INPP4B: variants seen among roughly 807,000 people sequenced by gnomAD.
INPP4B encodes the protein inositol polyphosphate 4-phosphatase type II.
In INPP4B, 55 loss-of-function variants were observed where a neutral mutation model predicts 122.5. The ratio of observed to expected loss-of-function variants is 0.45; its 90% CI spans 0.36 to 0.56. The LOEUF is 0.56. Ranked by LOEUF, INPP4B falls within the 20% of genes least tolerant of loss-of-function variation. The pLI is 0.00. For missense variants in INPP4B, 1,000 were observed against 1,097.7 expected, an observed-to-expected ratio of 0.91 and a Z score of 1.26; for synonymous variants, 403 against 388.7, an observed-to-expected ratio of 1.04 and a Z score of -0.43.
intron 2 of INPP4B, among the ~76,000 whole-genome samples, chr4:142,565,296 AAAAGAAAG>A (rs534123190): frequency 6.6e-6 from 1 of 152,184 alleles, no homozygotes; most frequent in Non-Finnish European, 1.5e-5. Flanking sequence ...CAAAGAGTTA[AAAAGAAAG>A]AAAGAAAGAA....
intron 1 of INPP4B, among the ~76,000 whole-genome samples, chr4:142,774,626 C>T (rs1773575397): frequency 6.6e-6 from 1 of 152,014 alleles, no homozygotes; most frequent in African/African-American, 2.4e-5. Flanking sequence ...AATATTATCT[C>T]TTTCATTTTT....
At chr4:142,266,678 C>T (rs541471207) in intron 10 of INPP4B, among the ~76,000 whole-genome samples, 16 of 152,254 alleles carry the variant, frequency 1.1e-4, no homozygotes, top group Non-Finnish European at 4.4e-5. Context: ...ATTCTCACCA[C>T]TTCTATTCAA....
rs1269128706 is a variant in INPP4B at position 142,173,872 on chromosome 4, TCA to T, written c.1182-65_1182-64del. 8.6e-6 allele frequency: 11 copies of T among 1,281,694 alleles called. No homozygotes were observed. The African/African-American group carries it at 1.5e-4, about 17-fold the overall frequency. The allele number at this position is 1,281,694 out of a possible 1,614,324, so 79.4% of individuals were successfully genotyped here. Reference sequence around the variant, plus strand: ...CATAATGAATGTTCAGCCCTTAATATCAGATGGCAAATGATAAACAGAACTCC... The same window carrying T: ...CATAATGAATGTTCAGCCCTTAATATGATGGCAAATGATAAACAGAACTCC... On this transcript the variant is annotated intron_variant, in intron 15 of 25. Coordinates refer to ENST00000262992, the MANE Select transcript of INPP4B (RefSeq NM_001101669.3).
At chr4:142,088,391 G>A (rs1176222805) in intron 23 of INPP4B, among the ~76,000 whole-genome samples, 1 of 152,214 alleles carries the variant, frequency 6.6e-6, no homozygotes, top group Non-Finnish European at 1.5e-5. Flanking sequence ...ATTATAAGCA[G>A]CCATTAAAAA....
chr4:142,085,848 G>C (rs76668645), intron 24 of INPP4B, among the ~76,000 whole-genome samples: 1 of 152,144 alleles, frequency 6.6e-6, no homozygotes, highest in Non-Finnish European at 1.5e-5. Context: ...GGCAATTGAC[G>C]TTGCAATACG....
intron 3 of INPP4B, among the ~76,000 whole-genome samples, chr4:142,436,113 C>T (rs77148654): frequency 0.017 from 2,626 of 152,314 alleles, 80 homozygotes; most frequent in African/African-American, 0.06. Context: ...GTATTCTCCA[C>T]AGCCCAGCAC....
chr4:142,109,150 T>G (rs957244859), intron 22 of INPP4B, among the ~76,000 whole-genome samples: 1 of 152,032 alleles, frequency 6.6e-6, no homozygotes, highest in Non-Finnish European at 1.5e-5. Flanking sequence ...CTTTTTTTTT[T>G]TTCTCAACCA....
chr4:142,623,617 T>A (rs963190709), intron 2 of INPP4B, among the ~76,000 whole-genome samples: 1 of 151,998 alleles, frequency 6.6e-6, no homozygotes, highest in Non-Finnish European at 1.5e-5. Flanking sequence ...GCGCACAATG[T>A]GCAGGTTAGT....
chr4:142,749,108 C>T (rs1769236169), intron 1 of INPP4B, among the ~76,000 whole-genome samples: 1 of 150,200 alleles, frequency 6.7e-6, no homozygotes, highest in African/African-American at 2.4e-5. Context: ...CACTGCTCTC[C>T]AGCCTGAGTG....
At chr4:142,821,878 TG>T (rs35013569) in intron 1 of INPP4B, among the ~76,000 whole-genome samples, 4 of 151,984 alleles carry the variant, frequency 2.6e-5, no homozygotes, top group Non-Finnish European at 5.9e-5. Flanking sequence ...AGTGAGGGTG[TG>T]GGGAAGTCTT....
chr4:142,537,445 G>T (rs1200637249), intron 2 of INPP4B, among the ~76,000 whole-genome samples: 186 of 103,532 alleles, frequency 1.8e-3, no homozygotes, highest in East Asian at 7.2e-3. Context: ...GAGAGAGAGA[G>T]AGAGAGAGAG....
chr4:142,747,980 C>T (rs936989544), intron 1 of INPP4B, among the ~76,000 whole-genome samples: 1 of 151,952 alleles, frequency 6.6e-6, no homozygotes, highest in African/African-American at 2.4e-5. Flanking sequence ...ACGTAACAAA[C>T]CTGCACATTC....
At chr4:142,761,296 G>A (rs1415515972) in intron 1 of INPP4B, among the ~76,000 whole-genome samples, 1 of 151,900 alleles carries the variant, frequency 6.6e-6, no homozygotes, top group African/African-American at 2.4e-5. Flanking sequence ...CCTTCTGCAA[G>A]TTGGAAAATG....
chr4:142,693,556 C>T (rs1223193042), intron 2 of INPP4B, among the ~76,000 whole-genome samples: 2 of 123,968 alleles, frequency 1.6e-5, no homozygotes, highest in African/African-American at 6.1e-5. Context: ...TTAAGGAACT[C>T]TCCATTTGTA....
chr4:142,307,459 T>G (rs1183563876), intron 8 of INPP4B, among the ~76,000 whole-genome samples: 1 of 152,206 alleles, frequency 6.6e-6, no homozygotes, highest in African/African-American at 2.4e-5. Flanking sequence ...CCCCACTGCA[T>G]AGCACACAGT....
chr4:142,601,369 T>A (rs893486614), intron 2 of INPP4B, among the ~76,000 whole-genome samples: 1 of 152,020 alleles, frequency 6.6e-6, no homozygotes, highest in Admixed American at 6.6e-5. Flanking sequence ...CATAACAGTA[T>A]GGTATAAAAT....
At chr4:142,385,134 G>A (rs190955877) in intron 7 of INPP4B, among the ~76,000 whole-genome samples, 310 of 152,250 alleles carry the variant, frequency 2.0e-3, no homozygotes, top group African/African-American at 7.2e-3. Flanking sequence ...ACAGTAACAG[G>A]ATTGTTGGCT....
intron 2 of INPP4B, among the ~76,000 whole-genome samples, chr4:142,582,859 C>T (rs1255221976): frequency 6.6e-6 from 1 of 152,158 alleles, no homozygotes; most frequent in Non-Finnish European, 1.5e-5. Context: ...AATACAGTCC[C>T]TATGAGCATG....
chr4:142,696,875 CT>C (rs1397924727), intron 2 of INPP4B, among the ~76,000 whole-genome samples: 1 of 152,146 alleles, frequency 6.6e-6, no homozygotes, highest in Non-Finnish European at 1.5e-5. Flanking sequence ...GCATGTTTTA[CT>C]TGTTTTTATA....
Sources: gnomAD v4.1 joint callset for allele counts (sites outside exome capture counted in the v4.1 genomes callset) on GRCh38, gnomAD v4.1.1 for gene constraint, MANE v1.5 for transcripts, NCBI Gene and HGNC (gene_info 2026-07-23, HGNC 2026-07-21) for gene names.